PCNX2: variants seen among roughly 807,000 people sequenced by gnomAD.
PCNX2 encodes pecanex 2.
Under a neutral mutation model 223.8 loss-of-function variants are expected in PCNX2, and 168 were observed. That is an observed-to-expected ratio of 0.75 (90% CI 0.66 to 0.85). The LOEUF (loss-of-function observed/expected upper bound fraction) is 0.85, where lower values mean the gene tolerates loss of function less well. PCNX2 is among the 40% of genes least tolerant of loss of function. The pLI, the probability that PCNX2 is intolerant of heterozygous loss-of-function variation, is 0.00. For synonymous variants in PCNX2, 1,006 were observed against 1,052.6 expected (o/e 0.96, Z 0.86); for missense variants, 2,507 against 2,675.5 (o/e 0.94, Z 1.39).
At chr1:233,014,455 G>A (rs564382118) in intron 28 of PCNX2, among the ~76,000 whole-genome samples, 1 of 152,046 alleles carries the variant, frequency 6.6e-6, no homozygotes, top group Non-Finnish European at 1.5e-5. Context: ...ACTATTCCAC[G>A]TGAATGATAT....
chr1:233,271,314 CAT>C (rs1660626803), intron 1 of PCNX2, among the ~76,000 whole-genome samples: 1 of 151,990 alleles, frequency 6.6e-6, no homozygotes, highest in African/African-American at 2.4e-5. Flanking sequence ...TGATCAACAC[CAT>C]ATTTTATATA....
chr1:233,152,653 C>T (rs1677886399), intron 19 of PCNX2, among the ~76,000 whole-genome samples: 1 of 138,708 alleles, frequency 7.2e-6, no homozygotes, highest in African/African-American at 3.5e-5. Flanking sequence ...AGCACTATGA[C>T]CTATTGATGA....
At chr1:233,145,271 T>C (rs1044277617) in intron 19 of PCNX2, among the ~76,000 whole-genome samples, 1 of 152,176 alleles carries the variant, frequency 6.6e-6, no homozygotes. Flanking sequence ...TGGCCGGTGC[T>C]ATGTTTAAGA....
Position 232,986,427 on chromosome 1 carries a change from T to A in PCNX2, c.5905A>T (p.Thr1969Ser), listed in dbSNP as rs1266851019. 20 of 1,606,982 alleles carry A rather than the reference T, an allele frequency of 1.2e-5. No individual in the cohort carries two copies. Among genetic ancestry groups the A allele is most frequent in the Admixed American group, 1.7e-5 (1 of 59,252 alleles). The change falls in exon 33 of 34, where the codon ACG becomes TCG. Residue 1969 changes from threonine to serine, a missense_variant. By Grantham distance (58) the Thr-to-Ser change is moderately conservative. Transcript: ENST00000258229. ...ILESRQTFLQ[T>S]STSVHELAQR... ...GCCAGCTCGTGCACTGAGGTGGACG[T>A]CTGGAGGAATGTTTGGCGGCTCTCT...
chr1:233,066,860 T>A (rs1178138447), intron 23 of PCNX2, among the ~76,000 whole-genome samples: 1 of 152,040 alleles, frequency 6.6e-6, no homozygotes, highest in African/African-American at 2.4e-5. Context: ...ACTTTCATAA[T>A]TTTCCTGGGT....
At chr1:233,131,270 AGTAACAT>A (rs1676488540) in intron 21 of PCNX2, among the ~76,000 whole-genome samples, 2 of 152,228 alleles carry the variant, frequency 1.3e-5, no homozygotes, top group South Asian at 4.1e-4. Context: ...CTAGTGGACA[AGTAACAT>A]TTCACATTGT....
At position 233,139,324 on chromosome 1, in the gene PCNX2, A is replaced by G. The variant is rs963643089; in HGVS notation, c.3659+390T>C. Among the ~76,000 whole-genome samples, 2 of 152,170 alleles carry G rather than the reference A, an allele frequency of 1.3e-5. No individual in the cohort carries two copies. The highest frequency in any genetic ancestry group is 2.9e-5 in the Non-Finnish European group (2 of 68,038). The stretch of plus-strand genomic sequence containing the variant: ...AATTTCCCCCTCCCACAAGCACAAA[A>G]TGATAGAGTATTTGCTAAATGAAAT... On this transcript the variant is annotated intron_variant, in intron 20 of 33. Coordinates refer to ENST00000258229, the MANE Select transcript of PCNX2 (RefSeq NM_014801.4). The surrounding 1 kb of genome is among the most constrained non-coding windows in gnomAD (Gnocchi z 4.4).
chr1:232,997,259 T>C (rs1669909275), intron 32 of PCNX2, among the ~76,000 whole-genome samples: 1 of 152,238 alleles, frequency 6.6e-6, no homozygotes, highest in Non-Finnish European at 1.5e-5. Context: ...AATTGACAGC[T>C]GTCTCAGATA....
chr1:233,327,310 A>T, the PCNX2 span, among the ~76,000 whole-genome samples: 1 of 146,642 alleles, frequency 6.8e-6, no homozygotes, highest in Non-Finnish European at 1.5e-5. Context: ...GGCGCGGCTC[A>T]CCATTGCTCC....
chr1:233,139,654 T>G lies in PCNX2; in HGVS notation c.3659+60A>C. On this transcript the variant is annotated intron_variant, in intron 20 of 33. Transcript: ENST00000258229. The surrounding 1 kb of genome is among the most constrained non-coding windows in gnomAD (Gnocchi z 4.4). Reference sequence around the variant, plus strand: ...TCTTCTGCAGATTGTTTACAGAAAATTCACTCGATTTTGAAAATGTGACCC... The same window carrying G: ...TCTTCTGCAGATTGTTTACAGAAAAGTCACTCGATTTTGAAAATGTGACCC... The G allele has an allele frequency of 6.6e-7, 1 of 1,515,070 alleles. No individual in the cohort carries two copies. The highest frequency in any genetic ancestry group is 8.9e-7 in the Non-Finnish European group (1 of 1,123,210). 93.9% of individuals were successfully genotyped at this position (1,515,070 alleles called of 1,614,324 possible).
intron 17 of PCNX2, chr1:233,167,617 T>G: frequency 1.8e-6 from 1 of 569,132 alleles, no homozygotes; most frequent in Non-Finnish European, 2.2e-6. Flanking sequence ...ATATGTTAAC[T>G]TACTTCACTA....
chr1:233,051,580 C>A (rs1672008614), intron 25 of PCNX2, among the ~76,000 whole-genome samples: 1 of 152,118 alleles, frequency 6.6e-6, no homozygotes, highest in Non-Finnish European at 1.5e-5. Context: ...TTATCCTAAG[C>A]AAATTAATGC....
rs1674652291 is a variant in PCNX2 at position 233,104,417 on chromosome 1, T to C, written c.3838-8554A>G. 2.0e-5 allele frequency among the ~76,000 whole-genome samples: 3 copies of C among 152,098 alleles called. No homozygotes were observed. The South Asian group carries it at 6.2e-4, about 31-fold the overall frequency. The stretch of plus-strand genomic sequence containing the variant: ...AAAATATTGAGGCTTTTACTCAAAA[T>C]AGAATACATAGCAGTACATAATGAT... On this transcript the variant is annotated intron_variant, in intron 21 of 33. Transcript: ENST00000258229.
chr1:233,190,697 G>C (rs536621868), intron 15 of PCNX2, among the ~76,000 whole-genome samples: 7 of 152,290 alleles, frequency 4.6e-5, no homozygotes, highest in African/African-American at 1.7e-4. Context: ...CAACACCTAA[G>C]TAAACCCCAG....
intron 33 of PCNX2, 159 bp from the exon 34 acceptor site, chr1:232,984,636 A>AC: frequency 1.4e-6 from 1 of 733,820 alleles, no homozygotes; most frequent in South Asian, 2.0e-5. Context: ...GAGGGCCAGC[A>AC]CAGTGGCCTC....
intron 5 of PCNX2, among the ~76,000 whole-genome samples, chr1:233,255,446 G>A (rs1429562243): frequency 6.6e-6 from 1 of 152,088 alleles, no homozygotes; most frequent in African/African-American, 2.4e-5. Flanking sequence ...AGCGATGACC[G>A]CTGACTCCCT....
intron 12 of PCNX2, among the ~76,000 whole-genome samples, chr1:233,210,905 T>C (rs1206105286): frequency 3.3e-5 from 5 of 152,030 alleles, no homozygotes; most frequent in African/African-American, 1.2e-4. Context: ...CAGCCCTACC[T>C]CCATAAGCCG....
rs556930608 is a variant in PCNX2 at position 232,991,095 on chromosome 1, T to A, written c.5792-4555A>T. On this transcript the variant is annotated intron_variant, in intron 32 of 33. Transcript: ENST00000258229. The surrounding 1 kb of genome is among the most constrained non-coding windows in gnomAD (Gnocchi z 4.3). ...CGGGCAGTGAGCAGCTCATGGGAAA[T>A]TCTGACCACAGACAAGGCACATGCA... is the stretch of plus-strand genomic sequence containing the variant. Among the ~76,000 whole-genome samples, 8 of 152,172 alleles carry A rather than the reference T, an allele frequency of 5.3e-5. No individual in the cohort carries two copies. The East Asian group carries it at 1.5e-3, about 29-fold the overall frequency.
chr1:233,200,819 T>C (rs978430710), intron 13 of PCNX2, among the ~76,000 whole-genome samples: 1 of 151,582 alleles, frequency 6.6e-6, no homozygotes, highest in East Asian at 1.9e-4. Context: ...GTCAGGAGTT[T>C]GAGACCAGCC....
Sources: allele counts gnomAD v4.1 joint callset (sites outside exome capture counted in the v4.1 genomes callset), GRCh38; gene constraint gnomAD v4.1.1; non-coding constraint Gnocchi (gnomAD v3.1); transcripts MANE v1.5; gene names NCBI Gene and HGNC (gene_info 2026-07-23, HGNC 2026-07-21).